FANCA: variants seen among roughly 807,000 people sequenced by gnomAD.
The protein encoded by FANCA is Fanconi anemia group A protein.
Under a neutral mutation model 194.3 loss-of-function variants are expected in FANCA, and 236 were observed. The ratio of observed to expected loss-of-function variants is 1.21; its 90% confidence interval spans 1.09 to 1.35. FANCA has a LOEUF of 1.35. Among genes scored for constraint, FANCA ranks in the 40% most tolerant of loss-of-function variants. The pLI is 0.00. For missense variants in FANCA, 2,628 were observed against 1,813.9 expected (o/e 1.45, Z -8.15); for synonymous variants, 1,014 against 715.8 (o/e 1.42, Z -6.65).
At chr16:89,791,874 A>ACC in intron 13 of FANCA, 53 bp downstream of exon 13, 6 of 1,610,304 alleles carry the variant, frequency 3.7e-6, no homozygotes, top group Non-Finnish European at 5.1e-6. Flanking sequence ...CTCTGCTGAC[A>ACC]CCCCCCTACA....
At chr16:89,758,790 G>T (rs1040325005) in intron 29 of FANCA, 85 bp from the exon 30 acceptor site, 1 of 1,587,200 alleles carries the variant, frequency 6.3e-7, no homozygotes. Context: ...CCCATAGTAA[G>T]GGACACACAG....
intron 5 of FANCA, among the ~76,000 whole-genome samples, chr16:89,809,599 C>T (rs549840740): frequency 1.3e-5 from 2 of 151,956 alleles, no homozygotes; most frequent in Admixed American, 6.6e-5. Context: ...CCTGTAATCC[C>T]GGCACTTTGG....
At chr16:89,748,810 A>G (rs1263157842) in intron 32 of FANCA, 43 bp from the exon 33 acceptor site, 3 of 1,501,972 alleles carry the variant, frequency 2.0e-6, no homozygotes, top group East Asian at 4.6e-5. Flanking sequence ...CACAGCGTAC[A>G]CTCTGCTCCT....
chr16:89,815,112 C>T (rs982901752), intron 2 of FANCA, among the ~76,000 whole-genome samples: 1 of 151,932 alleles, frequency 6.6e-6, no homozygotes, highest in Non-Finnish European at 1.5e-5. Context: ...ATCTCACTCA[C>T]GGCGACCTCC....
At chr16:89,791,339 G>C in intron 14 of FANCA, 64 bp downstream of exon 14, 1 of 1,582,334 alleles carries the variant, frequency 6.3e-7, no homozygotes, top group South Asian at 1.1e-5. Flanking sequence ...GGGACAGCAT[G>C]GTCCCCACTC....
intron 14 of FANCA, chr16:89,791,191 G>T: frequency 3.1e-6 from 2 of 638,982 alleles, no homozygotes; most frequent in Admixed American, 5.1e-5. Context: ...CAGGCTCCTC[G>T]GAACATGCAG....
At chr16:89,779,803 G>A in intron 18 of FANCA, 66 bp downstream of exon 18, 1 of 1,320,866 alleles carries the variant, frequency 7.6e-7, no homozygotes, top group Admixed American at 1.7e-5. Flanking sequence ...TGCACATACT[G>A]CAGGCATCAG....
chr16:89,784,825 A>T, intron 15 of FANCA, 29 bp downstream of exon 15: 1 of 1,553,866 alleles, frequency 6.4e-7, no homozygotes, highest in Non-Finnish European at 8.9e-7. Flanking sequence ...AAGCACCAGA[A>T]ATCATGGATG....
chr16:89,810,781 C>G lies in FANCA; in HGVS notation c.448G>C (p.Glu150Gln), dbSNP rs947111024. 6.2e-7 allele frequency: 1 copy of G among 1,613,648 alleles called. No individual in the cohort carries two copies. The highest frequency in any genetic ancestry group is 8.5e-7 in the Non-Finnish European group (1 of 1,179,502). ...EQRKKLSSLL[E>Q]FAQYLLAHSM... is the part of the protein sequence containing the mutation. ...TGTGCCAATAAATACTGAGCAAACT[C>G]TAACAGGGAAGACAGCTTCTTCTGA... The change falls in exon 5 of 43, where the codon GAG (glutamate) becomes CAG (glutamine). Residue 150 changes from glutamate to glutamine, a missense_variant. Coordinates refer to ENST00000389301, the MANE Select transcript of FANCA (RefSeq NM_000135.4).
intron 3 of FANCA, 22 bp from the exon 4 acceptor site, chr16:89,811,093 T>C: frequency 1.9e-6 from 3 of 1,613,722 alleles, no homozygotes; most frequent in Non-Finnish European, 2.5e-6. Flanking sequence ...AACAAAACCA[T>C]AGCTTTCTCT....
Position 89,775,797 on chromosome 16 carries a change from TG to T in FANCA, c.1844del (p.Pro615HisfsTer25). 1.2e-6 allele frequency: 2 copies of T among 1,612,330 alleles called. No homozygotes were observed. The highest frequency in any genetic ancestry group is 1.7e-6 in the Non-Finnish European group (2 of 1,179,082). ...CCTGGCAGTAGGTGGAGTACAGAGATGGGGGGATTTTATCTGCTCTGGATCA... is the reference window on the plus strand; with the variant it reads ...CCTGGCAGTAGGTGGAGTACAGAGATGGGGGATTTTATCTGCTCTGGATCA... Reference protein sequence around the residue: ...ESLKRADKIPPSLYSTYCQAC... With the variant: ...ESLKRADKIPXSLYSTYCQAC... On this transcript the variant is annotated frameshift_variant, in exon 21 of 43. Coordinates refer to ENST00000389301, the MANE Select transcript of FANCA (RefSeq NM_000135.4). LOFTEE classifies it high-confidence loss of function.
rs61749989 is a variant in FANCA, at chr16:89,814,611, T to C, written c.192A>G (p.Val64=). ...HQDLNALLLE[V]EGPLCKKLSL... The stretch of plus-strand genomic sequence containing the variant: ...ACAATTTTTTACACAGTGGACCTTC[T>C]ACCTAGAATCCAAAACACAACAAAC... The change falls in exon 3 of 43, where the codon GTA becomes GTG. Residue 64 remains valine, a splice_region_variant and synonymous_variant. Transcript: ENST00000389301. 1.2e-6 allele frequency: 2 copies of C among 1,611,486 alleles called. No homozygotes were observed. The highest frequency in any genetic ancestry group is 1.1e-5 in the South Asian group (1 of 91,044).
intron 32 of FANCA, among the ~76,000 whole-genome samples, chr16:89,749,435 C>G (rs933365335): frequency 1.3e-5 from 2 of 152,214 alleles, no homozygotes; most frequent in Non-Finnish European, 2.9e-5. Context: ...CCATGTTGGT[C>G]AGGCTGGTCT....
Position 89,808,375 on chromosome 16 carries a change from A to G in FANCA, c.523-8T>C, listed in dbSNP as rs2143657783. ...TTCAAGCAACAAAGAACTCTGAAAA[A>G]CAAAACAAAACAAACAAAAACAAAA... On this transcript the variant is annotated splice_polypyrimidine_tract_variant and splice_region_variant and intron_variant, in intron 5 of 42. Coordinates refer to ENST00000389301, the MANE Select transcript of FANCA (RefSeq NM_000135.4). 6.2e-7 allele frequency: 1 copy of G among 1,613,870 alleles called. No homozygotes were observed. The highest frequency in any genetic ancestry group is 8.5e-7 in the Non-Finnish European group (1 of 1,179,810).
Position 89,802,358 on chromosome 16 carries a change from C to T in FANCA, c.792+901G>A, listed in dbSNP as rs147486028. On this transcript the variant is annotated intron_variant, in intron 8 of 42. Transcript: ENST00000389301. ...CCTCAGGGGATCCACCAGTCTCAGCCTCCCAAAGTGCTGGATTATAGGCAT... is the reference window on the plus strand; with the variant it reads ...CCTCAGGGGATCCACCAGTCTCAGCTTCCCAAAGTGCTGGATTATAGGCAT... 4.5e-3 allele frequency among the ~76,000 whole-genome samples: 680 copies of T among 152,016 alleles called. 8 individuals are homozygous for T. Among genetic ancestry groups the T allele is most frequent in the African/African-American group, 0.016 (647 of 41,460 alleles).
Position 89,795,323 on chromosome 16 carries a change from T to A in FANCA, c.1006+583A>T, listed in dbSNP as rs530761272. On this transcript the variant is annotated intron_variant, in intron 11 of 42. Coordinates refer to ENST00000389301, the MANE Select transcript of FANCA (RefSeq NM_000135.4). ...ATAAATAAATAAATAAATAAATAAA[T>A]AAAATAAAGATATTTCTATTTTACG... 1.0e-3 allele frequency among the ~76,000 whole-genome samples: 154 copies of A among 147,956 alleles called. 1 individual carries two copies. The highest frequency in any genetic ancestry group is 2.9e-3 in the South Asian group (14 of 4,746).
Position 89,749,759 on chromosome 16 carries a change from C to T in FANCA, c.3210G>A (p.Gln1070=). 1.2e-6 allele frequency: 2 copies of T among 1,614,206 alleles called. No homozygotes were observed. Among genetic ancestry groups the T allele is most frequent in the Non-Finnish European group, 1.7e-6 (2 of 1,180,032 alleles). ...TGTACATTAGCAGCTCCCTCTGTCT[C>T]TGAAGGCTGGCAGCCACGCTCCACC... is the stretch of plus-strand genomic sequence containing the variant. ...TSGWSVAASL[Q]RQRELLMYKR... is the part of the protein sequence containing the mutation. Residue 1070 remains glutamine (Q), a synonymous_variant, in exon 32 of 43, where the codon CAG becomes CAA. Transcript: ENST00000389301.
intron 3 of FANCA, among the ~76,000 whole-genome samples, chr16:89,812,573 G>T (rs375198551): frequency 6.1e-5 from 9 of 147,800 alleles, no homozygotes; most frequent in African/African-American, 2.0e-4. Context: ...TTTAACTAGG[G>T]AGGCAGAGGT....
At chr16:89,759,052 G>A (rs1003274850) in intron 29 of FANCA, among the ~76,000 whole-genome samples, 8 of 152,128 alleles carry the variant, frequency 5.3e-5, no homozygotes, top group African/African-American at 1.7e-4. Context: ...CAGGTGCAGT[G>A]GCTCATGCCT....
Sources: gnomAD v4.1 joint callset for allele counts (sites outside exome capture counted in the v4.1 genomes callset) on GRCh38, gnomAD v4.1.1 for gene constraint, MANE v1.5 for transcripts, NCBI Gene and HGNC (gene_info 2026-07-23, HGNC 2026-07-21) for gene names.